The following USP12 variants were observed in gnomAD, a reference collection of about 807,000 sequenced individuals.
The protein encoded by USP12 is ubiquitin specific peptidase 12.
Under a neutral mutation model 45.5 loss-of-function variants are expected in USP12, and 19 were observed. The ratio of observed to expected loss-of-function variants is 0.42; its 90% confidence interval spans 0.29 to 0.61. USP12 has a LOEUF of 0.61. Among genes scored for constraint, USP12 ranks in the 20% least tolerant of loss-of-function variants. The pLI is 0.22. For synonymous variants in USP12, 149 were observed against 148.8 expected, an observed-to-expected ratio of 1.00 and a Z score of -0.01; for missense variants, 242 against 447.7, an observed-to-expected ratio of 0.54 and a Z score of 4.15.
chr13:27,104,343 T>A (rs1272492636), intron 3 of USP12, among the ~76,000 whole-genome samples: 1 of 152,262 alleles, frequency 6.6e-6, no homozygotes, highest in East Asian at 1.9e-4. Context: ...TGAACATTTT[T>A]AAAATACTAA....
chr13:27,148,133 A>AG (rs1047185379), intron 1 of USP12, among the ~76,000 whole-genome samples: 3 of 151,712 alleles, frequency 2.0e-5, no homozygotes, highest in Non-Finnish European at 4.4e-5. Flanking sequence ...ATCTCAAAAA[A>AG]AAAAAAGACT....
intron 3 of USP12, among the ~76,000 whole-genome samples, chr13:27,104,787 G>A (rs529765575): frequency 4.0e-4 from 61 of 152,226 alleles, no homozygotes; most frequent in Non-Finnish European, 5.4e-4. Context: ...GCAGGATTAC[G>A]CAATAGGGTA....
intron 1 of USP12, among the ~76,000 whole-genome samples, chr13:27,167,506 TG>T (rs1363002733): frequency 1.3e-5 from 2 of 152,058 alleles, no homozygotes; most frequent in Non-Finnish European, 1.5e-5. Context: ...CAAACATTTA[TG>T]TAATAGAAGA....
intron 1 of USP12, among the ~76,000 whole-genome samples, chr13:27,117,254 C>T (rs1875787661): frequency 6.6e-6 from 1 of 152,080 alleles, no homozygotes; most frequent in Non-Finnish European, 1.5e-5. Context: ...AATGAAATTT[C>T]CTGCTGTATC....
At chr13:27,141,730 C>T (rs1438638210) in intron 1 of USP12, among the ~76,000 whole-genome samples, 1 of 152,116 alleles carries the variant, frequency 6.6e-6, no homozygotes, top group Non-Finnish European at 1.5e-5. Context: ...AACTAAAACA[C>T]AGAGAAGGAA....
intron 1 of USP12, among the ~76,000 whole-genome samples, chr13:27,118,957 T>C (rs1014831120): frequency 8.5e-5 from 13 of 152,234 alleles, no homozygotes; most frequent in African/African-American, 2.9e-4. Flanking sequence ...GTCCTCACAG[T>C]AGTTTCAACT....
chr13:27,158,520 G>T (rs1877946929), intron 1 of USP12, among the ~76,000 whole-genome samples: 1 of 152,138 alleles, frequency 6.6e-6, no homozygotes, highest in Non-Finnish European at 1.5e-5. Context: ...AAACCTAGAT[G>T]GTACAGCCCA....
At chr13:27,088,489 T>C (rs1874172443) in intron 6 of USP12, among the ~76,000 whole-genome samples, 1 of 152,080 alleles carries the variant, frequency 6.6e-6, no homozygotes, top group African/African-American at 2.4e-5. Flanking sequence ...ACTTGGATTT[T>C]GGACATGTTC....
chr13:27,113,634 CT>C (rs1373127256), intron 2 of USP12, among the ~76,000 whole-genome samples: 2 of 152,226 alleles, frequency 1.3e-5, no homozygotes, highest in Admixed American at 1.3e-4. Flanking sequence ...GTAGGAACTG[CT>C]TTCTCTTCTC....
chr13:27,121,997 C>T (rs1056504888), intron 1 of USP12, among the ~76,000 whole-genome samples: 4 of 152,000 alleles, frequency 2.6e-5, no homozygotes, highest in Admixed American at 2.6e-4. Flanking sequence ...GAACTAAATA[C>T]AACTTCAAAA....
intron 3 of USP12, among the ~76,000 whole-genome samples, chr13:27,105,029 A>G (rs1593186148): frequency 2.6e-5 from 4 of 152,236 alleles, no homozygotes; most frequent in Admixed American, 2.6e-4. Context: ...AAGTTTGTAT[A>G]CCAGCTCCAC....
chr13:27,088,416 C>CAAAAAAA (rs11323861), intron 6 of USP12, among the ~76,000 whole-genome samples: 2 of 93,658 alleles, frequency 2.1e-5, no homozygotes. Flanking sequence ...GACTCCGTCT[C>CAAAAAAA]AAAAAAAAAA....
chr13:27,084,211 CACACACAA>C (rs1335347404), intron 6 of USP12, among the ~76,000 whole-genome samples: 1 of 94,024 alleles, frequency 1.1e-5, no homozygotes, highest in Non-Finnish European at 2.4e-5. Context: ...CACACACACA[CACACACAA>C]ATTCCTGTCT....
chr13:27,121,427 T>C (rs1330601817), intron 1 of USP12, among the ~76,000 whole-genome samples: 2 of 151,874 alleles, frequency 1.3e-5, no homozygotes, highest in Admixed American at 6.6e-5. Context: ...ATGAGACAAA[T>C]TCAATCCACC....
At chr13:27,091,647 G>T (rs896341589) in intron 4 of USP12, among the ~76,000 whole-genome samples, 3 of 152,132 alleles carry the variant, frequency 2.0e-5, no homozygotes, top group Non-Finnish European at 4.4e-5. Context: ...CTGGAGTTGA[G>T]ACTCATCAGC....
At chr13:27,128,573 TTGTCTTCAATGCAG>T (rs1354584706) in intron 1 of USP12, among the ~76,000 whole-genome samples, 4 of 152,212 alleles carry the variant, frequency 2.6e-5, no homozygotes, top group African/African-American at 9.6e-5. Flanking sequence ...CATCTTCACA[TTGTCTTCAATGCAG>T]GGATTCACCC....
chr13:27,095,522 C>A (rs1363383387), intron 4 of USP12, 79 bp downstream of exon 4: 13 of 1,041,520 alleles, frequency 1.2e-5, no homozygotes, highest in Non-Finnish European at 1.8e-5. Context: ...AGTTCATCTT[C>A]CATTCTGTCT....
At chr13:27,091,572 T>C (rs1476712924) in intron 4 of USP12, among the ~76,000 whole-genome samples, 1 of 152,202 alleles carries the variant, frequency 6.6e-6, no homozygotes, top group African/African-American at 2.4e-5. Flanking sequence ...TGTCCTAATG[T>C]CATGTCATGC....
chr13:27,072,298 G>T (rs937500851), intron 7 of USP12, among the ~76,000 whole-genome samples: 1 of 152,106 alleles, frequency 6.6e-6, no homozygotes, highest in East Asian at 1.9e-4. Context: ...CAGAACACAG[G>T]GTGGAAGGAA....
Sources: allele counts gnomAD v4.1 joint callset (sites outside exome capture counted in the v4.1 genomes callset), GRCh38; gene constraint gnomAD v4.1.1; transcripts MANE v1.5; gene names NCBI Gene and HGNC (gene_info 2026-07-23, HGNC 2026-07-21).